MME: variants seen among roughly 807,000 people sequenced by gnomAD.
The protein encoded by MME is neprilysin.
Under a neutral mutation model 113.2 loss-of-function variants are expected in MME, and 98 were observed. The observed-to-expected ratio is 0.87, with a 90% CI of 0.74 to 1.02. MME has a LOEUF of 1.02. Among genes scored for constraint, MME ranks in the 50% least tolerant of loss-of-function variants. The probability of loss-of-function intolerance (pLI) is 0.00; values close to 1 mark genes in which losing one functional copy is unlikely to be tolerated. For missense variants in MME, 836 were observed against 896.0 expected (o/e 0.93, Z 0.86); for synonymous variants, 292 against 300.6 (o/e 0.97, Z 0.30).
At chr3:155,088,346 A>G (rs1367185032) in intron 3 of MME, among the ~76,000 whole-genome samples, 1 of 152,218 alleles carries the variant, frequency 6.6e-6, no homozygotes, top group Non-Finnish European at 1.5e-5. Context: ...AGCAAGTATT[A>G]AAGAAGAGTG....
intron 1 of MME, 50 bp from the exon 2 acceptor site, chr3:155,084,108 T>C (rs1159804313): frequency 3.5e-6 from 5 of 1,428,682 alleles, no homozygotes; most frequent in South Asian, 3.5e-5. Flanking sequence ...TTTGGACATT[T>C]TCTTTTTTAT....
At chr3:155,083,432 T>C (rs1010940960) in intron 1 of MME, 1 of 152,360 alleles carries the variant, frequency 6.6e-6, no homozygotes, top group Non-Finnish European at 1.5e-5. Flanking sequence ...TAACTTTTTG[T>C]ACTATTTTGT....
At chr3:155,041,863 A>C (rs1422856639) in intron 1 of MME, among the ~76,000 whole-genome samples, 1 of 152,204 alleles carries the variant, frequency 6.6e-6, no homozygotes, top group Non-Finnish European at 1.5e-5. Context: ...ATATGAACCT[A>C]AGTTACTGAA....
intron 8 of MME, among the ~76,000 whole-genome samples, chr3:155,126,995 G>A (rs150527805): frequency 0.02 from 2,573 of 130,664 alleles, 71 homozygotes; most frequent in African/African-American, 0.069. Context: ...CAACAAGAGC[G>A]AAACTCCATC....
intron 1 of MME, among the ~76,000 whole-genome samples, chr3:155,061,663 T>G (rs1714152557): frequency 7.3e-6 from 1 of 136,478 alleles, no homozygotes. Context: ...ATCTGTAGGT[T>G]TTTTTTTTTT....
intron 1 of MME, among the ~76,000 whole-genome samples, chr3:155,048,435 T>C (rs1247071749): frequency 1.3e-5 from 2 of 152,228 alleles, no homozygotes; most frequent in Non-Finnish European, 1.5e-5. Flanking sequence ...TGTTCAGAGT[T>C]TAGTATTGGG....
At chr3:155,060,547 GACCC>G (rs1308662697) in intron 1 of MME, among the ~76,000 whole-genome samples, 22 of 152,174 alleles carry the variant, frequency 1.4e-4, no homozygotes, top group African/African-American at 5.3e-4. Flanking sequence ...GAAGTTCTGA[GACCC>G]TGATGATACC....
At chr3:155,118,851 G>C (rs1249283027) in intron 8 of MME, 40 bp downstream of exon 8, 1 of 1,261,474 alleles carries the variant, frequency 7.9e-7, no homozygotes, top group African/African-American at 1.5e-5. Context: ...ACTACAAAAT[G>C]ATCTGGTGTA....
Position 155,142,230 on chromosome 3 carries a change from T to TA in MME, c.1095-6dup, listed in dbSNP as rs1291740021. 1.2e-6 allele frequency: 2 copies of TA among 1,613,326 alleles called. No individual in the cohort carries two copies. Among genetic ancestry groups the TA allele is most frequent in the African/African-American group, 1.3e-5 (1 of 74,878 alleles). ...TCTGTTGCTGGGCGGTGGTTTTTTT[T>TA]ATACAGAGATCTTCAAAATTTAATG... On this transcript the variant is annotated splice_region_variant and splice_polypyrimidine_tract_variant and intron_variant, in intron 11 of 22. Coordinates refer to ENST00000360490, the MANE Select transcript of MME (RefSeq NM_007289.4).
Position 155,144,396 on chromosome 3 carries a change from T to C in MME, c.1355T>C (p.Ile452Thr), listed in dbSNP as rs1241580349. 1 of 1,613,324 alleles carries C rather than the reference T, an allele frequency of 6.2e-7. No homozygotes were observed. The highest frequency in any genetic ancestry group is 8.5e-7 in the Non-Finnish European group (1 of 1,179,462). ...DLIAQIREVF[I>T]QTLDDLTWMD... ...ATTGCACAGATCCGAGAAGTTTTTATTCAGACTTTAGATGACCTCACTTGG... is the reference window on the plus strand; with the variant it reads ...ATTGCACAGATCCGAGAAGTTTTTACTCAGACTTTAGATGACCTCACTTGG... Residue 452 changes from isoleucine (I) to threonine (T), a missense_variant, in exon 14 of 23, where the codon ATT (isoleucine) becomes ACT (threonine). Transcript: ENST00000360490.
chr3:155,134,927 T>A (rs1019885616), intron 8 of MME, among the ~76,000 whole-genome samples: 2 of 152,146 alleles, frequency 1.3e-5, no homozygotes, highest in Non-Finnish European at 2.9e-5. Context: ...TGACCACTTG[T>A]ATGTTTTCTT....
chr3:155,031,579 C>T (rs988576932), intron 1 of MME, among the ~76,000 whole-genome samples: 19 of 152,162 alleles, frequency 1.2e-4, no homozygotes, highest in Non-Finnish European at 2.5e-4. Flanking sequence ...CTTTTAGAAG[C>T]TTCTAAGTAC....
At chr3:155,090,394 G>A (rs1331452189) in intron 3 of MME, 1 of 152,088 alleles carries the variant, frequency 6.6e-6, no homozygotes, top group Non-Finnish European at 1.5e-5. Flanking sequence ...ACACTGGACT[G>A]AACCCTATAT....
Position 155,060,275 on chromosome 3 carries a change from TC to T in MME, c.-10-23882del, listed in dbSNP as rs1285373465. ...CTGAAACCCCATTATTAAAGATCCTTCTTGCTGGCTGGAAGTTTTCATACTG... is the reference window on the plus strand; with the variant it reads ...CTGAAACCCCATTATTAAAGATCCTTTTGCTGGCTGGAAGTTTTCATACTG... On this transcript the variant is annotated intron_variant, in intron 1 of 22. Coordinates refer to the MME transcript ENST00000492661. Among the ~76,000 whole-genome samples the T allele has an allele frequency of 4.6e-5, 7 of 152,280 alleles. No homozygotes were observed. In the East Asian group the frequency reaches 1.2e-3, roughly 25 times the overall value.
chr3:155,045,843 C>A (rs538015917), intron 1 of MME, among the ~76,000 whole-genome samples: 1 of 151,464 alleles, frequency 6.6e-6, no homozygotes, highest in Non-Finnish European at 1.5e-5. Context: ...TGAAATATTT[C>A]TTCTTTTCTA....
chr3:155,101,490 T>TG (rs1438556850), intron 3 of MME, among the ~76,000 whole-genome samples: 2 of 152,170 alleles, frequency 1.3e-5, no homozygotes, highest in Non-Finnish European at 2.9e-5. Context: ...GCCCTACTCT[T>TG]GGTGATCTGC....
chr3:155,161,993 A>C (rs994413510), intron 17 of MME, among the ~76,000 whole-genome samples: 2 of 152,194 alleles, frequency 1.3e-5, no homozygotes, highest in East Asian at 1.9e-4. Flanking sequence ...TAGTTCTGTC[A>C]GTGTCTAGTT....
chr3:155,098,636 C>A (rs369830892), intron 3 of MME, among the ~76,000 whole-genome samples: 1 of 149,876 alleles, frequency 6.7e-6, no homozygotes, highest in East Asian at 2.0e-4. Context: ...AGAAATGAAA[C>A]AAACAAACAA....
intron 1 of MME, among the ~76,000 whole-genome samples, chr3:155,066,266 A>G (rs1210886582): frequency 1.3e-5 from 2 of 152,238 alleles, no homozygotes; most frequent in African/African-American, 4.8e-5. Flanking sequence ...TTGAAAGACT[A>G]TACAGTAAAA....
Sources: gnomAD v4.1 joint callset for allele counts (sites outside exome capture counted in the v4.1 genomes callset) on GRCh38, gnomAD v4.1.1 for gene constraint, MANE v1.5 for transcripts, NCBI Gene and HGNC (gene_info 2026-07-23, HGNC 2026-07-21) for gene names.